CDH18: variants seen among roughly 807,000 people sequenced by gnomAD.
The protein encoded by CDH18 is cadherin 18.
In CDH18, 31 loss-of-function variants were observed where a neutral mutation model predicts 67.9. The ratio of observed to expected loss-of-function variants is 0.46; its 90% CI spans 0.34 to 0.62. The LOEUF (loss-of-function observed/expected upper bound fraction) is 0.62. Among genes scored for constraint, CDH18 ranks in the 20% least tolerant of loss-of-function variants. The pLI, the probability that CDH18 is intolerant of heterozygous loss-of-function variation, is 0.01. For synonymous variants in CDH18, 362 were observed against 347.2 expected, an observed-to-expected ratio of 1.04 and a Z score of -0.48; for missense variants, 890 against 975.5, an observed-to-expected ratio of 0.91 and a Z score of 1.17.
intron 1 of CDH18, among the ~76,000 whole-genome samples, chr5:20,369,241 T>C (rs540287507): frequency 6.6e-6 from 1 of 151,978 alleles, no homozygotes; most frequent in Admixed American, 6.6e-5. Context: ...TTGAATTGAA[T>C]CCAAATTGTT....
At chr5:20,372,362 T>G (rs1743071334) in intron 1 of CDH18, among the ~76,000 whole-genome samples, 1 of 152,176 alleles carries the variant, frequency 6.6e-6, no homozygotes, top group Non-Finnish European at 1.5e-5. Context: ...AAAATTCTTC[T>G]CTTCCAGCTG....
chr5:20,017,358 AT>A (rs999964724), intron 2 of CDH18, among the ~76,000 whole-genome samples: 1 of 152,074 alleles, frequency 6.6e-6, no homozygotes, highest in African/African-American at 2.4e-5. Flanking sequence ...CAAATTTGTT[AT>A]TTTTGTTAAA....
intron 3 of CDH18, among the ~76,000 whole-genome samples, chr5:19,759,520 A>G (rs1036355768): frequency 2.0e-5 from 3 of 152,144 alleles, no homozygotes; most frequent in African/African-American, 7.2e-5. Flanking sequence ...AAATTACCAC[A>G]GGCCGAGTCC....
chr5:20,278,333 T>C (rs945236859), intron 1 of CDH18, among the ~76,000 whole-genome samples: 1 of 151,782 alleles, frequency 6.6e-6, no homozygotes, highest in Non-Finnish European at 1.5e-5. Flanking sequence ...GTGCAAATCT[T>C]ACAGGGCAGA....
chr5:19,644,503 G>A (rs535279213), intron 5 of CDH18, among the ~76,000 whole-genome samples: 41 of 152,180 alleles, frequency 2.7e-4, no homozygotes, highest in Non-Finnish European at 5.0e-4. Flanking sequence ...CAAAGCAACA[G>A]TGAATGGAAT....
At chr5:20,500,938 T>C (rs1754212748) in intron 1 of CDH18, among the ~76,000 whole-genome samples, 1 of 152,154 alleles carries the variant, frequency 6.6e-6, no homozygotes. Context: ...AGTTTATAAT[T>C]TTGTTTCTAA....
chr5:19,841,109 C>T lies in CDH18; in HGVS notation c.-256-1867G>A, dbSNP rs920292454. ...ACGGCATTTTTCTCTGAGTATTTCGCTCCTTAAATGAGGGTTAGTAATAGT... is the reference window on the plus strand; with the variant it reads ...ACGGCATTTTTCTCTGAGTATTTCGTTCCTTAAATGAGGGTTAGTAATAGT... On this transcript the variant is annotated intron_variant, in intron 2 of 12. Transcript: ENST00000382275. Among the ~76,000 whole-genome samples, 14 of 151,904 alleles carry T rather than the reference C, an allele frequency of 9.2e-5. No homozygotes were observed. The East Asian group carries it at 2.1e-3, about 23-fold the overall frequency.
chr5:20,535,852 A>G (rs1313423488), intron 1 of CDH18, among the ~76,000 whole-genome samples: 1 of 152,062 alleles, frequency 6.6e-6, no homozygotes. Context: ...CCAGTAGTTC[A>G]TCCTGTAAAT....
At position 20,255,014 on chromosome 5, in the gene CDH18, GAAC is replaced by G. The variant is rs568545808; in HGVS notation, c.-518+427_-518+429del. 6.6e-5 allele frequency among the ~76,000 whole-genome samples: 10 copies of G among 152,068 alleles called. No individual in the cohort carries two copies. The East Asian group carries it at 1.9e-3, about 29-fold the overall frequency. ...CATAATCTTAAGCAAATTAAATCAG[GAAC>G]AACAACAACAACAAAAAACAAATAC... On this transcript the variant is annotated intron_variant, in intron 2 of 14. Transcript: ENST00000507958.
chr5:19,965,937 C>A (rs1431553750), intron 2 of CDH18, among the ~76,000 whole-genome samples: 2 of 152,114 alleles, frequency 1.3e-5, no homozygotes, highest in Non-Finnish European at 2.9e-5. Context: ...TACAACAGAA[C>A]ACACAATTTG....
intron 3 of CDH18, among the ~76,000 whole-genome samples, chr5:19,827,127 C>G (rs145079545): frequency 2.6e-5 from 4 of 151,792 alleles, no homozygotes; most frequent in Non-Finnish European, 5.9e-5. Flanking sequence ...ACAAAAAAGG[C>G]AAAAAGAAAA....
chr5:19,494,960 G>T (rs538646985), intron 11 of CDH18, among the ~76,000 whole-genome samples: 5 of 152,124 alleles, frequency 3.3e-5, no homozygotes, highest in Non-Finnish European at 7.4e-5. Flanking sequence ...TGGCTACTAA[G>T]CTGGCCTTTC....
chr5:20,226,192 C>T (rs1316766193), intron 2 of CDH18, among the ~76,000 whole-genome samples: 1 of 151,874 alleles, frequency 6.6e-6, no homozygotes, highest in Non-Finnish European at 1.5e-5. Flanking sequence ...ACACACTGGC[C>T]TTCAGAAAGC....
intron 2 of CDH18, among the ~76,000 whole-genome samples, chr5:19,889,774 A>G (rs986223783): frequency 3.9e-5 from 6 of 152,144 alleles, no homozygotes; most frequent in Non-Finnish European, 5.9e-5. Context: ...GTCACAGCCA[A>G]AAAAAGTCAT....
At chr5:20,221,989 T>C (rs1741263488) in intron 2 of CDH18, among the ~76,000 whole-genome samples, 1 of 152,104 alleles carries the variant, frequency 6.6e-6, no homozygotes, top group Admixed American at 6.6e-5. Flanking sequence ...CCCAGTTCTT[T>C]TCATCAATGC....
intron 1 of CDH18, among the ~76,000 whole-genome samples, chr5:20,415,925 A>G (rs1325342477): frequency 6.6e-6 from 1 of 152,170 alleles, no homozygotes; most frequent in Non-Finnish European, 1.5e-5. Context: ...TTTATATGTT[A>G]TATTAAAAAT....
chr5:20,240,690 A>G (rs1742831086), intron 2 of CDH18, among the ~76,000 whole-genome samples: 1 of 152,202 alleles, frequency 6.6e-6, no homozygotes, highest in African/African-American at 2.4e-5. Context: ...TAATATCTGT[A>G]AAGTTTCATT....
intron 1 of CDH18, among the ~76,000 whole-genome samples, chr5:20,525,669 A>C (rs2126535592): frequency 6.6e-6 from 1 of 152,310 alleles, no homozygotes; most frequent in Admixed American, 6.5e-5. Context: ...TGACAAAATT[A>C]TCACTCCAAC....
intron 8 of CDH18, among the ~76,000 whole-genome samples, chr5:19,562,708 A>T (rs187218231): frequency 2.0e-5 from 3 of 152,318 alleles, no homozygotes; most frequent in African/African-American, 7.2e-5. Context: ...TGAAACAATT[A>T]TGCGAAATAT....
Sources: allele counts gnomAD v4.1 joint callset (sites outside exome capture counted in the v4.1 genomes callset), GRCh38; gene constraint gnomAD v4.1.1; transcripts MANE v1.5; gene names NCBI Gene and HGNC (gene_info 2026-07-23, HGNC 2026-07-21).